Variants in GTF2F2 observed in about 807,000 individuals in gnomAD.
The protein encoded by GTF2F2 is general transcription factor IIF subunit 2.
In GTF2F2, 23 loss-of-function variants were observed where a neutral mutation model predicts 42.2. The observed-to-expected ratio is 0.55, with a 90% confidence interval of 0.39 to 0.77. The LOEUF (loss-of-function observed/expected upper bound fraction) is 0.77, where lower values mean the gene tolerates loss of function less well. Ranked by LOEUF, GTF2F2 falls within the 30% of genes least tolerant of loss-of-function variation. The pLI is 0.00. For synonymous variants in GTF2F2, 105 were observed against 100.8 expected, an observed-to-expected ratio of 1.04 and a Z score of -0.25; for missense variants, 261 against 287.2, an observed-to-expected ratio of 0.91 and a Z score of 0.66.
At chr13:45,168,833 C>G (rs1193072993) in intron 4 of GTF2F2, among the ~76,000 whole-genome samples, 1 of 129,822 alleles carries the variant, frequency 7.7e-6, no homozygotes, top group Admixed American at 7.8e-5. Flanking sequence ...CCTTCCCTCC[C>G]TCTTTCCTTC....
At chr13:45,212,586 A>G (rs984790306) in intron 5 of GTF2F2, among the ~76,000 whole-genome samples, 2 of 116,056 alleles carry the variant, frequency 1.7e-5, no homozygotes, top group East Asian at 2.1e-4. Flanking sequence ...TTTTTGAGAC[A>G]AGTCTTGCTT....
chr13:45,201,331 A>G lies in GTF2F2; in HGVS notation c.305-6093A>G, dbSNP rs894630347. Among the ~76,000 whole-genome samples, 119 of 152,196 alleles carry G rather than the reference A, an allele frequency of 7.8e-4. 5 individuals carry two copies. The highest frequency in any genetic ancestry group is 7.4e-5 in the Non-Finnish European group (5 of 68,024). On this transcript the variant is annotated intron_variant, in intron 4 of 7. Coordinates refer to ENST00000340473, the MANE Select transcript of GTF2F2 (RefSeq NM_004128.3). ...ACATTTTGTTATTCTCTTTCTATTC[A>G]AAGAAAATTTAATTATATCTAGGTC...
At chr13:45,199,519 GT>G (rs956095776) in intron 4 of GTF2F2, among the ~76,000 whole-genome samples, 4 of 151,386 alleles carry the variant, frequency 2.6e-5, no homozygotes, top group African/African-American at 4.9e-5. Flanking sequence ...TAAAAATGAA[GT>G]TTTTTTTTGA....
At chr13:45,162,700 TGAG>T (rs1593463766) in intron 4 of GTF2F2, among the ~76,000 whole-genome samples, 1 of 152,172 alleles carries the variant, frequency 6.6e-6, no homozygotes, top group East Asian at 1.9e-4. Context: ...GAGGTTGGGA[TGAG>T]GAGGATTAAA....
chr13:45,252,579 T>C (rs1180664741), intron 5 of GTF2F2, among the ~76,000 whole-genome samples: 1 of 152,216 alleles, frequency 6.6e-6, no homozygotes, highest in African/African-American at 2.4e-5. Context: ...CCCAGAAATT[T>C]AAGGCTGATT....
intron 4 of GTF2F2, chr13:45,207,202 C>T: frequency 2.2e-6 from 1 of 459,944 alleles, no homozygotes; most frequent in Non-Finnish European, 3.9e-6. Flanking sequence ...CAAAGGGCCA[C>T]AGCAGCCTAA....
In GTF2F2 at chr13:45,188,748, G is replaced by C. The variant is rs541462049; in HGVS notation, c.305-18676G>C. 2.6e-5 allele frequency among the ~76,000 whole-genome samples: 4 copies of C among 152,314 alleles called. No homozygotes were observed. The East Asian group carries it at 7.7e-4, about 29-fold the overall frequency. On this transcript the variant is annotated intron_variant, in intron 4 of 7. Transcript: ENST00000340473. ...ACCCAAGTCTAACTCGAGAGCCCAT[G>C]TGTGTTTCACTGTGCTTTTTTCTCC...
intron 5 of GTF2F2, among the ~76,000 whole-genome samples, chr13:45,223,590 C>T (rs887193316): frequency 2.6e-5 from 4 of 152,198 alleles, no homozygotes; most frequent in East Asian, 3.9e-4. Context: ...TTATCATTAA[C>T]GCATTTCAGT....
At chr13:45,194,307 C>G in intron 4 of GTF2F2, 1 of 1,614,152 alleles carries the variant, frequency 6.2e-7, no homozygotes, top group Non-Finnish European at 8.5e-7. Context: ...TTAGGACATG[C>G]CTGAAGAGGA....
At chr13:45,282,131 G>A (rs4287462) in intron 7 of GTF2F2, among the ~76,000 whole-genome samples, 145,528 of 152,136 alleles carry the variant, frequency 0.96, 69,674 homozygotes, top group East Asian at 1. Flanking sequence ...CTGGGAGGCG[G>A]AGGTTGCAGA....
intron 5 of GTF2F2, among the ~76,000 whole-genome samples, chr13:45,240,080 A>G (rs1432103562): frequency 7.1e-6 from 1 of 140,104 alleles, no homozygotes; most frequent in Non-Finnish European, 1.5e-5. Context: ...AAATGTTCCA[A>G]TTTCTGTATT....
chr13:45,139,966 G>GTAT (rs746022768), intron 2 of GTF2F2, among the ~76,000 whole-genome samples: 54 of 152,080 alleles, frequency 3.6e-4, no homozygotes, highest in Non-Finnish European at 6.2e-4. Flanking sequence ...ACATCCTTCT[G>GTAT]TATACTTTAA....
intron 4 of GTF2F2, among the ~76,000 whole-genome samples, chr13:45,191,035 GT>G (rs1417984459): frequency 6.6e-6 from 1 of 150,462 alleles, no homozygotes; most frequent in Non-Finnish European, 1.5e-5. Flanking sequence ...AAAGTCTCGT[GT>G]TTCATTTGTT....
chr13:45,191,224 A>AAAAAAAAAAATATATATATATATAT, intron 4 of GTF2F2, among the ~76,000 whole-genome samples: 4 of 75,308 alleles, frequency 5.3e-5, no homozygotes, highest in South Asian at 3.9e-4. Context: ...ACAAAAAAAA[A>AAAAAAAAAAATATATATATATATAT]ATATATATAT....
At chr13:45,161,264 G>A (rs1871021799) in intron 4 of GTF2F2, among the ~76,000 whole-genome samples, 1 of 152,124 alleles carries the variant, frequency 6.6e-6, no homozygotes, top group Non-Finnish European at 1.5e-5. Context: ...TCAACACAGT[G>A]AAAAAGGTAA....
At chr13:45,171,069 CTTTTTT>C (rs908914894) in intron 4 of GTF2F2, among the ~76,000 whole-genome samples, 5 of 94,240 alleles carry the variant, frequency 5.3e-5, no homozygotes, top group East Asian at 2.9e-4. Context: ...AAAACCCTAT[CTTTTTT>C]TTTTTTTTTT....
chr13:45,209,433 T>G (rs1566135929), intron 5 of GTF2F2, among the ~76,000 whole-genome samples: 1 of 152,230 alleles, frequency 6.6e-6, no homozygotes, highest in Admixed American at 6.5e-5. Context: ...GACTGTATTT[T>G]AATCTTTACT....
At chr13:45,196,849 A>G (rs1422281421) in intron 4 of GTF2F2, among the ~76,000 whole-genome samples, 1 of 152,142 alleles carries the variant, frequency 6.6e-6, no homozygotes, top group Non-Finnish European at 1.5e-5. Context: ...GTGAGTCAGG[A>G]CAGCTGGAAG....
At chr13:45,283,338 A>G (rs146367775) in intron 7 of GTF2F2, 104 bp from the exon 8 acceptor site, 7 of 1,033,258 alleles carry the variant, frequency 6.8e-6, no homozygotes, top group Admixed American at 5.9e-5. Context: ...TTTTAGGATC[A>G]TAATTTTTAT....
Sources: allele counts gnomAD v4.1 joint callset (sites outside exome capture counted in the v4.1 genomes callset), GRCh38; gene constraint gnomAD v4.1.1; transcripts MANE v1.5; gene names NCBI Gene and HGNC (gene_info 2026-07-23, HGNC 2026-07-21).